The following CDH18 variants were observed in gnomAD, a reference collection of about 807,000 sequenced individuals.
CDH18 encodes cadherin 18.
A neutral mutation model predicts 67.9 loss-of-function variants in CDH18; 31 were observed. The ratio of observed to expected loss-of-function variants is 0.46; its 90% CI spans 0.34 to 0.62. The LOEUF (loss-of-function observed/expected upper bound fraction) is 0.62, where lower values mean the gene tolerates loss of function less well. Ranked by LOEUF, CDH18 falls within the 20% of genes least tolerant of loss-of-function variation. CDH18 has a pLI of 0.01. For synonymous variants in CDH18, 362 were observed against 347.2 expected, an observed-to-expected ratio of 1.04 and a Z score of -0.48; for missense variants, 890 against 975.5, an observed-to-expected ratio of 0.91 and a Z score of 1.17.
At chr5:19,768,493 G>A (rs1376114363) in intron 3 of CDH18, among the ~76,000 whole-genome samples, 1 of 152,050 alleles carries the variant, frequency 6.6e-6, no homozygotes, top group Non-Finnish European at 1.5e-5. Flanking sequence ...GTCTTTGCAA[G>A]CAGAAATGTA....
At chr5:20,355,664 T>G (rs1741551204) in intron 1 of CDH18, among the ~76,000 whole-genome samples, 1 of 152,236 alleles carries the variant, frequency 6.6e-6, no homozygotes. Context: ...TACCTCATGA[T>G]AAATTTTCTT....
chr5:20,279,699 C>CAAAAAAAAAAAAAAAAAAA (rs1189257278), intron 1 of CDH18, among the ~76,000 whole-genome samples: 10 of 13,596 alleles, frequency 7.4e-4, no homozygotes, highest in Non-Finnish European at 1.0e-3. Context: ...AGCTCTGTCT[C>CAAAAAAAAAAAAAAAAAAA]AAAAAAAAAA....
chr5:19,525,719 A>AT (rs1561268022), intron 9 of CDH18, among the ~76,000 whole-genome samples: 1 of 152,122 alleles, frequency 6.6e-6, no homozygotes, highest in Non-Finnish European at 1.5e-5. Context: ...ATGATATGAG[A>AT]TATTTCTGTA....
intron 3 of CDH18, among the ~76,000 whole-genome samples, chr5:19,832,715 G>A (rs1426889794): frequency 6.6e-6 from 1 of 152,122 alleles, no homozygotes; most frequent in Non-Finnish European, 1.5e-5. Context: ...TAAGGTGTAA[G>A]GAAGGGGTCC....
intron 1 of CDH18, among the ~76,000 whole-genome samples, chr5:20,509,837 G>A (rs1156400822): frequency 6.6e-6 from 1 of 152,192 alleles, no homozygotes; most frequent in Non-Finnish European, 1.5e-5. Context: ...ATTGTGAATA[G>A]TGCTGCAGTG....
chr5:20,034,090 C>T (rs1012054570), intron 2 of CDH18, among the ~76,000 whole-genome samples: 1 of 151,902 alleles, frequency 6.6e-6, no homozygotes. Flanking sequence ...GTGCGTTAGA[C>T]ACATATGTGG....
In CDH18 at chr5:20,095,331, GAA is replaced by G. The variant is rs1561785877; in HGVS notation, c.-517-103319_-517-103318del. Among the ~76,000 whole-genome samples, 6 of 116,672 alleles carry G rather than the reference GAA, an allele frequency of 5.1e-5. 1 individual carries two copies. Among genetic ancestry groups the G allele is most frequent in the African/African-American group, 2.0e-4 (6 of 30,050 alleles). 76.5% of individuals were successfully genotyped at this position (116,672 alleles called of 152,430 possible). A position where few individuals can be genotyped will look rare whatever the true frequency, so the allele number is the denominator to read the frequency against. ...AGAAAGAAAGAAAGAAAGAAAGAAA[GAA>G]AGAAAGAAAGAAAGAAAGAAAGAAA... On this transcript the variant is annotated intron_variant, in intron 2 of 14. Transcript: ENST00000507958.
intron 2 of CDH18, among the ~76,000 whole-genome samples, chr5:20,056,388 T>TG (rs1242451680): frequency 1.3e-5 from 2 of 149,278 alleles, no homozygotes; most frequent in Non-Finnish European, 3.0e-5. Context: ...AAGCTGTTTT[T>TG]TTTGTTTGTT....
At chr5:20,082,721 C>T (rs1486884071) in intron 2 of CDH18, among the ~76,000 whole-genome samples, 2 of 152,102 alleles carry the variant, frequency 1.3e-5, no homozygotes, top group Admixed American at 1.3e-4. Context: ...TGGACCTAAA[C>T]CAATATATCT....
chr5:20,240,386 G>A (rs2126542623), intron 2 of CDH18, among the ~76,000 whole-genome samples: 1 of 152,154 alleles, frequency 6.6e-6, no homozygotes, highest in South Asian at 2.1e-4. Flanking sequence ...TTTATAGGCT[G>A]AAAACTGTGT....
chr5:19,503,333 AT>A lies in CDH18; in HGVS notation c.1513-225del, dbSNP rs1188491495. Reference sequence around the variant, plus strand: ...AATTTCTAAACATTCATCACACTTTATTTTCTAGCATTGCAAACGCATTGAT... The same window carrying A: ...AATTTCTAAACATTCATCACACTTTATTTCTAGCATTGCAAACGCATTGAT... On this transcript the variant is annotated intron_variant, in intron 10 of 12. Transcript: ENST00000382275. Among the ~76,000 whole-genome samples the A allele has an allele frequency of 3.3e-5, 5 of 151,922 alleles. No homozygotes were observed. The East Asian group carries it at 9.7e-4, about 29-fold the overall frequency.
intron 1 of CDH18, among the ~76,000 whole-genome samples, chr5:20,496,422 G>A (rs1037719158): frequency 5.3e-5 from 8 of 152,010 alleles, no homozygotes; most frequent in Non-Finnish European, 1.0e-4. Context: ...ATTAATGTCT[G>A]CCAATCCAAA....
chr5:19,523,527 G>A (rs1172683209), intron 9 of CDH18, among the ~76,000 whole-genome samples: 1 of 135,416 alleles, frequency 7.4e-6, no homozygotes, highest in Non-Finnish European at 1.6e-5. Context: ...AATATTAATG[G>A]CCAACAGTTA....
intron 9 of CDH18, among the ~76,000 whole-genome samples, chr5:19,540,042 T>C (rs1310461895): frequency 1.3e-5 from 2 of 152,198 alleles, no homozygotes; most frequent in African/African-American, 4.8e-5. Context: ...AGCAAGTCCC[T>C]TCTGCTTATG....
At chr5:19,489,685 T>A (rs57961516) in intron 11 of CDH18, among the ~76,000 whole-genome samples, 2,201 of 152,234 alleles carry the variant, frequency 0.014, 28 homozygotes, top group Middle Eastern at 0.031. Context: ...CCAAGATTTT[T>A]AAAAAAAAGT....
chr5:20,084,676 GA>G (rs1744797002), intron 2 of CDH18, among the ~76,000 whole-genome samples: 1 of 151,586 alleles, frequency 6.6e-6, no homozygotes, highest in South Asian at 2.1e-4. Flanking sequence ...AATCTAGGCA[GA>G]GGTTCCCAAA....
intron 3 of CDH18, among the ~76,000 whole-genome samples, chr5:19,830,390 C>G: frequency 6.6e-6 from 1 of 152,160 alleles, no homozygotes; most frequent in Non-Finnish European, 1.5e-5. Context: ...AAGACACAGA[C>G]ATTTTCAAAA....
intron 4 of CDH18, among the ~76,000 whole-genome samples, chr5:19,736,359 G>T (rs1768321727): frequency 6.6e-6 from 1 of 152,234 alleles, no homozygotes. Context: ...ACTCTAGCTA[G>T]CCTGGGGGAC....
chr5:20,356,863 A>T (rs1036762014), intron 1 of CDH18, among the ~76,000 whole-genome samples: 1 of 147,734 alleles, frequency 6.8e-6, no homozygotes, highest in Non-Finnish European at 1.5e-5. Context: ...ACACACATAC[A>T]TATATACTAT....
Sources: gnomAD v4.1 joint callset for allele counts (sites outside exome capture counted in the v4.1 genomes callset) on GRCh38, gnomAD v4.1.1 for gene constraint, MANE v1.5 for transcripts, NCBI Gene and HGNC (gene_info 2026-07-23, HGNC 2026-07-21) for gene names.